Variants in TACR3 observed in about 807,000 individuals in gnomAD.
TACR3 encodes the protein tachykinin receptor 3, also known as neuromedin-K receptor.
In TACR3, 34 loss-of-function variants were observed where a neutral mutation model predicts 35.0. The observed-to-expected ratio is 0.97, with a 90% CI of 0.74 to 1.30. The LOEUF (loss-of-function observed/expected upper bound fraction) is 1.30. Among genes scored for constraint, TACR3 ranks in the 50% most tolerant of loss-of-function variants. The pLI, the probability that TACR3 is intolerant of heterozygous loss-of-function variation, is 0.00. For synonymous variants in TACR3, 233 were observed against 221.1 expected (o/e 1.05, Z -0.48); for missense variants, 558 against 591.7 (o/e 0.94, Z 0.59).
chr4:103,594,462 A>T (rs1406770797), intron 3 of TACR3, among the ~76,000 whole-genome samples: 1 of 152,144 alleles, frequency 6.6e-6, no homozygotes, highest in East Asian at 1.9e-4. Flanking sequence ...CAGGTGTGAG[A>T]CACTGCACCC....
In TACR3 at chr4:103,610,210, G is replaced by T. The variant is rs542473286; in HGVS notation, c.889-18527C>A. ...AACTTCCATGTTATTATCCATAAAG[G>T]CTGTACTAGTTTACAGTTTGTCCCT... On this transcript the variant is annotated intron_variant, in intron 3 of 4. Coordinates refer to ENST00000304883, the MANE Select transcript of TACR3 (RefSeq NM_001059.3). Among the ~76,000 whole-genome samples, 207 of 152,040 alleles carry T rather than the reference G, an allele frequency of 1.4e-3. 1 individual carries two copies. The highest frequency in any genetic ancestry group is 4.7e-3 in the African/African-American group (196 of 41,508).
At chr4:103,651,662 T>G (rs1725620921) in intron 3 of TACR3, among the ~76,000 whole-genome samples, 1 of 151,792 alleles carries the variant, frequency 6.6e-6, no homozygotes, top group Non-Finnish European at 1.5e-5. Flanking sequence ...CAGAAGGTGT[T>G]TTTCCCTATA....
rs1024374168 is a variant in TACR3 at position 103,719,831 on chromosome 4, G to A, written c.-156C>T. On this transcript the variant is annotated 5_prime_UTR_variant, in exon 1 of 5. Transcript: ENST00000304883. The stretch of plus-strand genomic sequence containing the variant: ...GATACTGCAATCCCTGCTGGTTAGG[G>A]GATGCAGCTGGGGCTAAGGGGCAAC... The A allele has an allele frequency of 1.9e-5, 19 of 989,044 alleles. No individual in the cohort carries two copies. The highest frequency in any genetic ancestry group is 4.6e-5 in the Admixed American group (2 of 43,216). 61.3% of individuals were successfully genotyped at this position (989,044 alleles called of 1,614,324 possible). A position where few individuals can be genotyped will look rare whatever the true frequency, so the allele number is the denominator to read the frequency against.
intron 1 of TACR3, among the ~76,000 whole-genome samples, chr4:103,698,298 C>T (rs1218274320): frequency 2.0e-5 from 3 of 151,988 alleles, no homozygotes; most frequent in Admixed American, 6.5e-5. Flanking sequence ...ATTTATACAC[C>T]TGGGATTTGG....
At chr4:103,654,323 T>G (rs1725684416) in intron 3 of TACR3, among the ~76,000 whole-genome samples, 1 of 151,406 alleles carries the variant, frequency 6.6e-6, no homozygotes, top group East Asian at 2.0e-4. Flanking sequence ...ATAGACTGGA[T>G]TAAGAAACTG....
intron 1 of TACR3, among the ~76,000 whole-genome samples, chr4:103,710,089 A>T (rs1339870634): frequency 2.6e-5 from 4 of 152,188 alleles, no homozygotes; most frequent in Non-Finnish European, 2.9e-5. Context: ...TCAACATTAG[A>T]CAGATCAACA....
intron 1 of TACR3, among the ~76,000 whole-genome samples, chr4:103,660,930 A>G (rs1016809929): frequency 6.6e-6 from 1 of 152,040 alleles, no homozygotes; most frequent in Non-Finnish European, 1.5e-5. Context: ...CTTAATAGCC[A>G]TAATAATCCA....
intron 1 of TACR3, among the ~76,000 whole-genome samples, chr4:103,716,239 G>C (rs1723088429): frequency 6.6e-6 from 1 of 151,830 alleles, no homozygotes; most frequent in Non-Finnish European, 1.5e-5. Context: ...GTGTGTGTGT[G>C]TGTGTGTGTG....
rs545468199 is a variant in TACR3 at position 103,717,773 on chromosome 4, G to T, written c.548+1355C>A. On this transcript the variant is annotated intron_variant, in intron 1 of 4. Coordinates refer to ENST00000304883, the MANE Select transcript of TACR3 (RefSeq NM_001059.3). ...AACACTTAACTTCTATCTTGGTGTA[G>T]TAAGATTAGAGGCAATTTCACTTAT... 5.9e-5 allele frequency among the ~76,000 whole-genome samples: 9 copies of T among 152,084 alleles called. No homozygotes were observed. In the East Asian group the frequency reaches 1.7e-3, roughly 30 times the overall value.
At chr4:103,669,836 AT>A (rs1048165468) in intron 1 of TACR3, among the ~76,000 whole-genome samples, 6 of 150,486 alleles carry the variant, frequency 4.0e-5, no homozygotes, top group East Asian at 2.0e-4. Context: ...CCATTTATGG[AT>A]TTTTTTTTCT....
At chr4:103,711,972 C>A (rs1560541949) in intron 1 of TACR3, among the ~76,000 whole-genome samples, 2 of 152,120 alleles carry the variant, frequency 1.3e-5, no homozygotes, top group Non-Finnish European at 2.9e-5. Flanking sequence ...GAACTACAAA[C>A]CACTGCTCAA....
intron 1 of TACR3, among the ~76,000 whole-genome samples, chr4:103,713,904 A>G (rs1157178294): frequency 6.6e-6 from 1 of 152,144 alleles, no homozygotes; most frequent in Non-Finnish European, 1.5e-5. Flanking sequence ...GGCAGTAGCC[A>G]CCTGTGAGGA....
intron 3 of TACR3, among the ~76,000 whole-genome samples, chr4:103,616,769 C>T (rs1724670347): frequency 6.6e-6 from 1 of 151,954 alleles, no homozygotes; most frequent in Non-Finnish European, 1.5e-5. Context: ...CAACATAGTA[C>T]AACCCTGTCT....
intron 3 of TACR3, among the ~76,000 whole-genome samples, chr4:103,631,292 G>A (rs772388716): frequency 2.6e-5 from 4 of 151,902 alleles, no homozygotes; most frequent in Non-Finnish European, 4.4e-5. Flanking sequence ...AACACTGCAC[G>A]TTGCACACAT....
intron 3 of TACR3, among the ~76,000 whole-genome samples, chr4:103,609,738 C>G (rs2110296586): frequency 6.6e-6 from 1 of 152,078 alleles, no homozygotes; most frequent in Admixed American, 6.6e-5. Context: ...TACCTGGTGA[C>G]CAACCTCTCC....
At chr4:103,636,812 G>C (rs554633862) in intron 3 of TACR3, among the ~76,000 whole-genome samples, 3 of 151,906 alleles carry the variant, frequency 2.0e-5, no homozygotes, top group South Asian at 2.1e-4. Flanking sequence ...ATAAACACCT[G>C]TATGCAAATA....
At chr4:103,609,332 T>C (rs1724462241) in intron 3 of TACR3, among the ~76,000 whole-genome samples, 1 of 152,150 alleles carries the variant, frequency 6.6e-6, no homozygotes, top group African/African-American at 2.4e-5. Flanking sequence ...GCAAATATAA[T>C]TCAAAATATA....
At chr4:103,592,401 T>C (rs1314622263) in intron 3 of TACR3, among the ~76,000 whole-genome samples, 1 of 152,206 alleles carries the variant, frequency 6.6e-6, no homozygotes, top group Non-Finnish European at 1.5e-5. Flanking sequence ...TACTTGTGAA[T>C]GATAATATCC....
At chr4:103,694,207 C>CTTTTCGAG (rs1722472478) in intron 1 of TACR3, among the ~76,000 whole-genome samples, 17 of 151,450 alleles carry the variant, frequency 1.1e-4, no homozygotes, top group African/African-American at 4.2e-4. Context: ...CCACCATACA[C>CTTTTCGAG]TTCCTTACAC....
Sources: allele counts gnomAD v4.1 joint callset (sites outside exome capture counted in the v4.1 genomes callset), GRCh38; gene constraint gnomAD v4.1.1; transcripts MANE v1.5; gene names NCBI Gene and HGNC (gene_info 2026-07-23, HGNC 2026-07-21).